Variants in IL1RAPL2 observed in about 807,000 individuals in gnomAD.
IL1RAPL2 encodes interleukin 1 receptor accessory protein like 2.
IL1RAPL2 carries 3 observed loss-of-function variants against 44.1 expected under a neutral mutation model. That is an observed-to-expected ratio of 0.07 (90% CI 0.03 to 0.18). IL1RAPL2 has a LOEUF of 0.18. Among genes scored for constraint, IL1RAPL2 ranks in the 10% least tolerant of loss-of-function variants. IL1RAPL2 has a pLI of 1.00. For synonymous variants in IL1RAPL2, 181 were observed against 178.8 expected (o/e 1.01, Z -0.10); for missense variants, 391 against 496.4 (o/e 0.79, Z 2.02).
At chrX:104,917,369 A>G (rs1433718134) in intron 2 of IL1RAPL2, among the ~76,000 whole-genome samples, 1 of 112,108 alleles carries the variant, frequency 8.9e-6, no homozygotes, top group Non-Finnish European at 1.9e-5. Flanking sequence ...TGATGTTATA[A>G]TGTTCAAAAA....
At chrX:104,571,529 C>A (rs1430321063) in intron 1 of IL1RAPL2, among the ~76,000 whole-genome samples, 1 of 111,353 alleles carries the variant, frequency 9.0e-6, no homozygotes, top group Non-Finnish European at 1.9e-5. Context: ...ATAAATCTCA[C>A]AAGATCTGAT....
At chrX:105,220,667 T>C in intron 3 of IL1RAPL2, 1 of 283,157 alleles carries the variant, frequency 3.5e-6, no homozygotes, top group Non-Finnish European at 6.2e-6. Flanking sequence ...GAGGAAGATC[T>C]CTCTCCCTCC....
chrX:104,745,633 C>T (rs185397701), intron 2 of IL1RAPL2, among the ~76,000 whole-genome samples: 5 of 111,484 alleles, frequency 4.5e-5, no homozygotes, highest in South Asian at 3.7e-4. Flanking sequence ...CACAGCTGTT[C>T]GAGGTTTGTA....
chrX:105,139,286 T>C (rs888593759), intron 2 of IL1RAPL2, among the ~76,000 whole-genome samples: 4 of 111,811 alleles, frequency 3.6e-5, no homozygotes, highest in African/African-American at 1.3e-4. Flanking sequence ...TTTTTTGTTA[T>C]TCAATCAAGC....
At chrX:104,762,235 G>GCGA (rs1932473026) in intron 2 of IL1RAPL2, among the ~76,000 whole-genome samples, 4 of 110,428 alleles carry the variant, frequency 3.6e-5, no homozygotes, top group Non-Finnish European at 7.6e-5. Flanking sequence ...CTGACCTCAG[G>GCGA]TGATCCACCT....
At chrX:105,267,728 G>C (rs774935234) in intron 5 of IL1RAPL2, among the ~76,000 whole-genome samples, 187 bp downstream of exon 5, 1 of 111,892 alleles carries the variant, frequency 8.9e-6, no homozygotes, top group South Asian at 3.7e-4. Flanking sequence ...TGAAAAAAGA[G>C]TTTAGAGAAC....
At chrX:105,151,658 A>ATTGAAGTTGGGAGC (rs2033228909) in intron 2 of IL1RAPL2, among the ~76,000 whole-genome samples, 1 of 110,521 alleles carries the variant, frequency 9.0e-6, no homozygotes, top group East Asian at 2.8e-4. Context: ...TGACAAACAT[A>ATTGAAGTTGGGAGC]AATAATAAAA....
At chrX:104,762,450 C>G (rs1272300352) in intron 2 of IL1RAPL2, among the ~76,000 whole-genome samples, 1 of 112,101 alleles carries the variant, frequency 8.9e-6, no homozygotes, top group African/African-American at 3.2e-5. Flanking sequence ...CCTTCATGGG[C>G]TGGCATTGAG....
At chrX:104,718,716 T>C (rs1931623812) in intron 2 of IL1RAPL2, among the ~76,000 whole-genome samples, 1 of 111,517 alleles carries the variant, frequency 9.0e-6, no homozygotes. Flanking sequence ...GGTAGTTCTT[T>C]ATAGCAGTGT....
chrX:105,414,062 C>A (rs1313794103), intron 5 of IL1RAPL2, among the ~76,000 whole-genome samples: 3 of 112,090 alleles, frequency 2.7e-5, no homozygotes, highest in African/African-American at 9.8e-5. Flanking sequence ...AAGCTTAAAG[C>A]TACTTATATG....
chrX:104,745,778 G>T (rs1397555055), intron 2 of IL1RAPL2, among the ~76,000 whole-genome samples: 1 of 111,316 alleles, frequency 9.0e-6, no homozygotes, highest in African/African-American at 3.3e-5. Context: ...AAATAAGATT[G>T]GGCTAAATGA....
intron 6 of IL1RAPL2, among the ~76,000 whole-genome samples, chrX:105,707,502 G>A (rs902610984): frequency 1.8e-5 from 2 of 111,997 alleles, no homozygotes; most frequent in Middle Eastern, 9.2e-3. Flanking sequence ...TATAAGATAT[G>A]GTTTCCATCC....
intron 2 of IL1RAPL2, among the ~76,000 whole-genome samples, chrX:104,727,758 A>C (rs570416824): frequency 9.0e-6 from 1 of 111,575 alleles, no homozygotes; most frequent in South Asian, 3.8e-4. Context: ...CAGCCATAAA[A>C]ATAAATCATT....
chrX:104,842,756 C>A (rs1921942852), intron 2 of IL1RAPL2, among the ~76,000 whole-genome samples: 1 of 112,529 alleles, frequency 8.9e-6, no homozygotes, highest in Admixed American at 9.4e-5. Flanking sequence ...CTGCTCCTTC[C>A]CCTGGAAGCT....
intron 5 of IL1RAPL2, among the ~76,000 whole-genome samples, chrX:105,332,185 C>A: frequency 9.1e-6 from 1 of 110,478 alleles, no homozygotes; most frequent in Non-Finnish European, 1.9e-5. Context: ...TTAACAAGTA[C>A]CCTGCCACCC....
intron 2 of IL1RAPL2, among the ~76,000 whole-genome samples, chrX:104,663,592 T>G (rs765015460): frequency 1.5e-3 from 162 of 109,668 alleles, no homozygotes; most frequent in Non-Finnish European, 2.8e-3. Context: ...TATGATTTGT[T>G]CTTTAATTGA....
intron 2 of IL1RAPL2, among the ~76,000 whole-genome samples, chrX:104,886,605 G>A (rs1309710982): frequency 8.9e-6 from 1 of 112,142 alleles, no homozygotes; most frequent in African/African-American, 3.2e-5. Context: ...AGTAATTCCT[G>A]TATATCCAGT....
chrX:104,825,525 A>G (rs375618782), intron 2 of IL1RAPL2, among the ~76,000 whole-genome samples: 18 of 111,887 alleles, frequency 1.6e-4, no homozygotes, highest in African/African-American at 5.8e-4. Context: ...CTACAAAACA[A>G]TAACACAACA....
At chrX:104,891,173 C>T (rs936318031) in intron 2 of IL1RAPL2, among the ~76,000 whole-genome samples, 1 of 111,671 alleles carries the variant, frequency 9.0e-6, no homozygotes, top group South Asian at 3.7e-4. Flanking sequence ...TGTTTTGGTA[C>T]CAGTACCATG....
Sources: allele counts gnomAD v4.1 joint callset (sites outside exome capture counted in the v4.1 genomes callset), GRCh38; gene constraint gnomAD v4.1.1; transcripts MANE v1.5; gene names NCBI Gene and HGNC (gene_info 2026-07-23, HGNC 2026-07-21).